Variants in LINGO2 observed in about 807,000 individuals in gnomAD.
LINGO2 encodes leucine-rich repeat and immunoglobulin-like domain-containing nogo receptor-interacting protein 2.
LINGO2 carries 14 observed loss-of-function variants against 30.6 expected under a neutral mutation model. That is an observed-to-expected ratio of 0.46 (90% CI 0.30 to 0.72). The LOEUF (loss-of-function observed/expected upper bound fraction) is 0.72, where lower values mean the gene tolerates loss of function less well. Among genes scored for constraint, LINGO2 ranks in the 30% least tolerant of loss-of-function variants. The pLI, the probability that LINGO2 is intolerant of heterozygous loss-of-function variation, is 0.07. For missense variants in LINGO2, 729 were observed against 751.7 expected (o/e 0.97, Z 0.35); for synonymous variants, 317 against 288.5 (o/e 1.10, Z -1.00).
At chr9:27,991,549 G>A (rs895373341) in intron 5 of LINGO2, among the ~76,000 whole-genome samples, 10 of 152,022 alleles carry the variant, frequency 6.6e-5, no homozygotes, top group Non-Finnish European at 1.0e-4. Flanking sequence ...CTTATTTTTA[G>A]AACACTGGAG....
At chr9:27,961,658 T>G (rs908209480) in intron 5 of LINGO2, among the ~76,000 whole-genome samples, 3 of 152,172 alleles carry the variant, frequency 2.0e-5, no homozygotes, top group African/African-American at 7.2e-5. Flanking sequence ...GATTTACATT[T>G]TGGAAAAATT....
At chr9:28,701,846 T>C in the LINGO2 span, among the ~76,000 whole-genome samples, 2 of 151,980 alleles carry the variant, frequency 1.3e-5, no homozygotes, top group Non-Finnish European at 2.9e-5. Flanking sequence ...ATAGCTTTTA[T>C]ACATATTTTG....
At chr9:27,989,954 A>G (rs747098867) in intron 5 of LINGO2, among the ~76,000 whole-genome samples, 57 of 152,022 alleles carry the variant, frequency 3.7e-4, no homozygotes, top group Non-Finnish European at 7.1e-4. Flanking sequence ...AGAGAAGAGA[A>G]GAGAGGAGGA....
At chr9:28,557,721 A>C (rs1291411430) in intron 1 of LINGO2, among the ~76,000 whole-genome samples, 1 of 151,020 alleles carries the variant, frequency 6.6e-6, no homozygotes, top group Admixed American at 6.6e-5. Context: ...GGCATTATTC[A>C]CAATAGCAAA....
In LINGO2 at chr9:28,210,575, C is replaced by T. The variant is rs563534031; in HGVS notation, c.-87+84633G>A. ...TTGTAGTTTTTCTTTAAAAAGTTAC[C>T]ATATTACTTTAAATGCAGGAGCTGC... On this transcript the variant is annotated intron_variant, in intron 4 of 5. Coordinates refer to ENST00000379992, the Ensembl canonical transcript of LINGO2. Among the ~76,000 whole-genome samples the T allele has an allele frequency of 2.6e-5, 4 of 151,530 alleles. No homozygotes were observed. The South Asian group carries it at 8.3e-4, about 31-fold the overall frequency.
intron 4 of LINGO2, among the ~76,000 whole-genome samples, chr9:28,126,879 C>CT (rs1300127075): frequency 6.6e-6 from 1 of 152,160 alleles, no homozygotes; most frequent in Admixed American, 6.6e-5. Flanking sequence ...ACTCTCTAAA[C>CT]TTACTTCAAT....
intron 5 of LINGO2, among the ~76,000 whole-genome samples, chr9:27,996,815 C>T (rs1017175146): frequency 6.6e-6 from 1 of 152,086 alleles, no homozygotes; most frequent in Non-Finnish European, 1.5e-5. Flanking sequence ...CCCAATTACC[C>T]TGATTTGATC....
chr9:28,051,115 A>G (rs1184168346), intron 4 of LINGO2, among the ~76,000 whole-genome samples: 2 of 150,866 alleles, frequency 1.3e-5, no homozygotes, highest in African/African-American at 2.5e-5. Flanking sequence ...ACAGGATGCT[A>G]TGTGAAAACC....
chr9:28,905,248 C>A, the LINGO2 span, among the ~76,000 whole-genome samples: 4 of 148,860 alleles, frequency 2.7e-5, no homozygotes, highest in Non-Finnish European at 4.5e-5. Flanking sequence ...ATATTCATAC[C>A]CTTTGAGTAT....
chr9:28,611,056 G>A (rs1825894833), intron 1 of LINGO2, among the ~76,000 whole-genome samples: 1 of 152,142 alleles, frequency 6.6e-6, no homozygotes, highest in African/African-American at 2.4e-5. Flanking sequence ...CTACTGCAGA[G>A]CTTCCTGACA....
intron 1 of LINGO2, among the ~76,000 whole-genome samples, chr9:28,589,975 G>C (rs1471392750): frequency 6.6e-6 from 1 of 152,128 alleles, no homozygotes. Context: ...CAATGGAACA[G>C]AACAGAGCCC....
At chr9:28,373,589 ATCATG>A (rs1587564069) in intron 2 of LINGO2, among the ~76,000 whole-genome samples, 2 of 152,300 alleles carry the variant, frequency 1.3e-5, no homozygotes, top group East Asian at 3.9e-4. Context: ...AACATAAAAC[ATCATG>A]TTGGGATTTA....
intron 4 of LINGO2, among the ~76,000 whole-genome samples, chr9:28,251,001 C>T (rs940264618): frequency 6.6e-6 from 1 of 152,056 alleles, no homozygotes; most frequent in African/African-American, 2.4e-5. Context: ...TCGCCTCCAC[C>T]TGGCAATCAC....
chr9:29,078,784 C>A, the LINGO2 span, among the ~76,000 whole-genome samples: 272 of 152,006 alleles, frequency 1.8e-3, 1 homozygote, highest in African/African-American at 6.2e-3. Flanking sequence ...CTGTGACTGG[C>A]AAAGAGCAAT....
the LINGO2 span, among the ~76,000 whole-genome samples, chr9:29,163,876 C>A: frequency 6.6e-6 from 1 of 151,858 alleles, no homozygotes; most frequent in South Asian, 2.1e-4. Flanking sequence ...ACTCTAGAAC[C>A]CTGTTAACTG....
the LINGO2 span, among the ~76,000 whole-genome samples, chr9:29,135,292 G>A: frequency 1.3e-5 from 2 of 152,018 alleles, no homozygotes; most frequent in African/African-American, 4.8e-5. Context: ...GGGTGTGGTG[G>A]CTCACTCCTG....
At chr9:27,995,850 A>T (rs1821634949) in intron 5 of LINGO2, among the ~76,000 whole-genome samples, 1 of 152,126 alleles carries the variant, frequency 6.6e-6, no homozygotes, top group African/African-American at 2.4e-5. Flanking sequence ...CATAGTACTA[A>T]AAGTTTTAGC....
At chr9:28,712,881 T>G in the LINGO2 span, among the ~76,000 whole-genome samples, 1 of 152,118 alleles carries the variant, frequency 6.6e-6, no homozygotes, top group South Asian at 2.1e-4. Context: ...ATTCATTTAT[T>G]TTTTTATGAA....
chr9:28,609,412 T>C (rs1563861562), intron 1 of LINGO2, among the ~76,000 whole-genome samples: 1 of 151,418 alleles, frequency 6.6e-6, no homozygotes, highest in Non-Finnish European at 1.5e-5. Context: ...GAATCAATAA[T>C]AAAAAGCAAA....
Sources: gnomAD v4.1 joint callset for allele counts (sites outside exome capture counted in the v4.1 genomes callset) on GRCh38, gnomAD v4.1.1 for gene constraint, MANE v1.5 for transcripts, NCBI Gene and HGNC (gene_info 2026-07-23, HGNC 2026-07-21) for gene names.